ANKRD44: variants seen among roughly 807,000 people sequenced by gnomAD.
ANKRD44 encodes ankyrin repeat domain 44, also known as serine/threonine-protein phosphatase 6 regulatory ankyrin repeat subunit B.
A neutral mutation model predicts 116.0 loss-of-function variants in ANKRD44; 35 were observed. The observed-to-expected ratio is 0.30, with a 90% CI of 0.23 to 0.40. ANKRD44 has a LOEUF of 0.40. ANKRD44 is among the 10% of genes least tolerant of loss of function. The probability of loss-of-function intolerance (pLI) is 1.00; values close to 1 mark genes in which losing one functional copy is unlikely to be tolerated. For missense variants in ANKRD44, 1,014 were observed against 1,242.6 expected (o/e 0.82, Z 2.77); for synonymous variants, 435 against 461.8 (o/e 0.94, Z 0.74).
intron 8 of ANKRD44, among the ~76,000 whole-genome samples, chr2:197,120,047 C>A (rs1218261691): frequency 6.6e-6 from 1 of 152,140 alleles, no homozygotes; most frequent in Non-Finnish European, 1.5e-5. Flanking sequence ...TCTTCCAAGT[C>A]TCCCCTCAAA....
chr2:197,247,735 G>C (rs2082223893), intron 1 of ANKRD44, among the ~76,000 whole-genome samples: 1 of 152,098 alleles, frequency 6.6e-6, no homozygotes, highest in Non-Finnish European at 1.5e-5. Flanking sequence ...AGAACCCAAG[G>C]CTCTCTCCAA....
chr2:196,986,899 A>G lies in ANKRD44; in HGVS notation c.*2692T>C. On this transcript the variant is annotated 3_prime_UTR_variant, in exon 28 of 28. Transcript: ENST00000282272. ...GTCATTCAACTCCAATTTACATAAG[A>G]AAACATTATAGACAAAATCCCACTG... is the stretch of plus-strand genomic sequence containing the variant. 2.0e-6 allele frequency: 2 copies of G among 985,424 alleles called. No individual in the cohort carries two copies. The highest frequency in any genetic ancestry group is 3.5e-5 in the African/African-American group (2 of 57,374). 61.0% of individuals were successfully genotyped at this position (985,424 alleles called of 1,614,324 possible).
chr2:197,156,085 A>G (rs562024820), intron 2 of ANKRD44, among the ~76,000 whole-genome samples: 18 of 152,278 alleles, frequency 1.2e-4, no homozygotes, highest in East Asian at 7.7e-4. Flanking sequence ...GGTGGCTCAC[A>G]CCTGTAATCC....
intron 1 of ANKRD44, among the ~76,000 whole-genome samples, chr2:197,286,127 C>G (rs2083401556): frequency 6.6e-6 from 1 of 152,212 alleles, no homozygotes; most frequent in Non-Finnish European, 1.5e-5. Flanking sequence ...TAAGGGTCCC[C>G]CATGACACTA....
At chr2:197,122,220 G>T (rs992367665) in intron 7 of ANKRD44, among the ~76,000 whole-genome samples, 1 of 152,118 alleles carries the variant, frequency 6.6e-6, no homozygotes, top group African/African-American at 2.4e-5. Flanking sequence ...CACTGCTCCT[G>T]TTCTACCAGC....
At chr2:197,094,914 G>A (rs554211459) in intron 10 of ANKRD44, among the ~76,000 whole-genome samples, 3 of 152,262 alleles carry the variant, frequency 2.0e-5, no homozygotes, top group East Asian at 1.9e-4. Flanking sequence ...GCCCCTTCTC[G>A]ATCTGGCTGT....
chr2:197,066,547 T>C (rs1168961969), intron 16 of ANKRD44, among the ~76,000 whole-genome samples: 2 of 152,176 alleles, frequency 1.3e-5, no homozygotes, highest in Non-Finnish European at 2.9e-5. Flanking sequence ...AACCCCATCG[T>C]CTCAGCCCAA....
chr2:197,299,370 G>T (rs534229981), intron 1 of ANKRD44: 1 of 152,252 alleles, frequency 6.6e-6, no homozygotes, highest in East Asian at 1.9e-4. Context: ...TAAGAAAAAG[G>T]TACTTGCACA....
At chr2:197,021,159 G>A (rs541512827) in intron 17 of ANKRD44, among the ~76,000 whole-genome samples, 16 of 152,260 alleles carry the variant, frequency 1.1e-4, no homozygotes, top group African/African-American at 3.4e-4. Flanking sequence ...AGTAGTCCAC[G>A]GTGTATATGT....
intron 1 of ANKRD44, among the ~76,000 whole-genome samples, chr2:197,290,469 G>A (rs1371588989): frequency 6.6e-6 from 1 of 151,874 alleles, no homozygotes; most frequent in Non-Finnish European, 1.5e-5. Flanking sequence ...TGAGTTTCCT[G>A]GTGTCAAAGA....
chr2:197,297,334 AAAG>A (rs1387060526), intron 1 of ANKRD44, among the ~76,000 whole-genome samples: 1 of 152,234 alleles, frequency 6.6e-6, no homozygotes, highest in Non-Finnish European at 1.5e-5. Flanking sequence ...TGAGAGAGAG[AAAG>A]AAGACTAGTT....
At chr2:197,287,030 A>T (rs1320215726) in intron 1 of ANKRD44, among the ~76,000 whole-genome samples, 1 of 152,176 alleles carries the variant, frequency 6.6e-6, no homozygotes, top group Non-Finnish European at 1.5e-5. Flanking sequence ...ACATGTCATT[A>T]TACATTTGTC....
At chr2:197,253,345 A>C (rs2082365103) in intron 1 of ANKRD44, among the ~76,000 whole-genome samples, 1 of 152,174 alleles carries the variant, frequency 6.6e-6, no homozygotes, top group African/African-American at 2.4e-5. Flanking sequence ...AGATTATTAG[A>C]ATCTTATTCT....
At chr2:197,115,062 T>C (rs191710128) in intron 8 of ANKRD44, among the ~76,000 whole-genome samples, 4 of 152,266 alleles carry the variant, frequency 2.6e-5, no homozygotes, top group Admixed American at 2.0e-4. Flanking sequence ...CTGGTACATA[T>C]AGAGAAGGGA....
At chr2:197,272,034 C>A (rs183151198) in intron 1 of ANKRD44, among the ~76,000 whole-genome samples, 1 of 152,260 alleles carries the variant, frequency 6.6e-6, no homozygotes, top group Non-Finnish European at 1.5e-5. Context: ...TTAGAGATTA[C>A]GACCCTTATA....
At chr2:197,302,594 T>C (rs575131634) in intron 1 of ANKRD44, 16 of 152,240 alleles carry the variant, frequency 1.1e-4, no homozygotes, top group African/African-American at 3.6e-4. Flanking sequence ...TGTTTCACAA[T>C]AATTGGTTGG....
chr2:197,261,906 G>A (rs2105732619), intron 1 of ANKRD44, among the ~76,000 whole-genome samples: 1 of 152,242 alleles, frequency 6.6e-6, no homozygotes, highest in South Asian at 2.1e-4. Context: ...AACAGGATCT[G>A]AAAAAAACTC....
At chr2:197,163,497 A>G (rs927448306) in intron 2 of ANKRD44, among the ~76,000 whole-genome samples, 2 of 152,202 alleles carry the variant, frequency 1.3e-5, no homozygotes, top group Non-Finnish European at 1.5e-5. Context: ...GCTAGCCCCA[A>G]CATGCGCATG....
intron 1 of ANKRD44, among the ~76,000 whole-genome samples, chr2:197,285,847 G>T (rs1202150366): frequency 6.6e-6 from 1 of 152,226 alleles, no homozygotes; most frequent in Non-Finnish European, 1.5e-5. Flanking sequence ...AAAAAGAACA[G>T]ATTTCACTAT....
Sources: gnomAD v4.1 joint callset for allele counts (sites outside exome capture counted in the v4.1 genomes callset) on GRCh38, gnomAD v4.1.1 for gene constraint, MANE v1.5 for transcripts, NCBI Gene and HGNC (gene_info 2026-07-23, HGNC 2026-07-21) for gene names.